The following ZDHHC8 variants were observed in gnomAD, a reference collection of about 807,000 sequenced individuals.
ZDHHC8 encodes the protein zDHHC palmitoyltransferase 8.
In ZDHHC8, 24 loss-of-function variants were observed where a neutral mutation model predicts 61.2. The ratio of observed to expected loss-of-function variants is 0.39; its 90% CI spans 0.28 to 0.55. ZDHHC8 has a LOEUF of 0.55. Among genes scored for constraint, ZDHHC8 ranks in the 20% least tolerant of loss-of-function variants. The probability of loss-of-function intolerance (pLI) is 0.60; values close to 1 mark genes in which losing one functional copy is unlikely to be tolerated. For missense variants in ZDHHC8, 935 were observed against 1,102.1 expected (o/e 0.85, Z 2.15); for synonymous variants, 523 against 492.5 (o/e 1.06, Z -0.82).
chr22:20,147,573 TG>T lies in ZDHHC8; in HGVS notation c.*2183del, dbSNP rs1555886048. The T allele has an allele frequency of 0.024, 2,862 of 119,472 alleles. 77 individuals carry two copies. Among genetic ancestry groups the T allele is most frequent in the African/African-American group, 0.078 (2,392 of 30,746 alleles). The allele number at this position is 119,472 out of a possible 1,614,324, so 7.4% of individuals were successfully genotyped here. On this transcript the variant is annotated 3_prime_UTR_variant, in exon 11 of 11. Transcript: ENST00000334554. ...CCAGGCCTCCGTGGGTTGGGCTGGG[TG>T]GGGGGGGGGTCTCAGGTTGCCCCTG...
intron 1 of ZDHHC8, among the ~76,000 whole-genome samples, chr22:20,135,240 G>A (rs920231310): frequency 6.6e-6 from 1 of 152,016 alleles, no homozygotes; most frequent in South Asian, 2.1e-4. Context: ...CACTGCTCCC[G>A]GCCCCTTCCT....
chr22:20,142,724 T>A, intron 9 of ZDHHC8, 32 bp from the exon 10 acceptor site: 2 of 1,600,982 alleles, frequency 1.2e-6, no homozygotes, highest in South Asian at 1.1e-5. Context: ...GGGTGGCAGG[T>A]GGGCAGTGGT....
In ZDHHC8 at chr22:20,141,489, C is replaced by A. The variant is rs1305261805; in HGVS notation, c.1084C>A (p.Pro362Thr). 1.2e-6 allele frequency: 2 copies of A among 1,613,140 alleles called. No homozygotes were observed. The highest frequency in any genetic ancestry group is 1.7e-6 in the Non-Finnish European group (2 of 1,179,922). The change falls in exon 9 of 11, where the codon CCC becomes ACC. Residue 362 changes from proline to threonine, a missense_variant. By Grantham distance (38) the Pro-to-Thr change is conservative (BLOSUM62 -1). Coordinates refer to ENST00000334554, the MANE Select transcript of ZDHHC8 (RefSeq NM_013373.4). ...CATGTACAAGTTTAGGCCGGCTTTC[C>A]CCACGGGTCCCAAGGTGCCCTTCTG... is the stretch of plus-strand genomic sequence containing the variant. ...PAMYKFRPAF[P>T]TGPKVPFCGP... is the part of the protein sequence containing the mutation.
Position 20,146,139 on chromosome 22 carries a change from CGGG to C in ZDHHC8, c.*744_*746del. 1.0e-6 allele frequency: 1 copy of C among 985,508 alleles called. No homozygotes were observed. Among genetic ancestry groups the C allele is most frequent in the African/African-American group, 1.7e-5 (1 of 57,322 alleles). The allele number at this position is 985,508 out of a possible 1,614,324, so 61.0% of individuals were successfully genotyped here. ...TGCTTTATGCTCTTGTGGGAGGCGACGGGGGGGCAGGCGGGAGCAGGCACGGGG... is the reference window on the plus strand; with the variant it reads ...TGCTTTATGCTCTTGTGGGAGGCGACGGGGCAGGCGGGAGCAGGCACGGGG... On this transcript the variant is annotated 3_prime_UTR_variant, in exon 11 of 11. Transcript: ENST00000334554.
chr22:20,137,934 G>C (rs1468011608), intron 1 of ZDHHC8, among the ~76,000 whole-genome samples: 1 of 152,240 alleles, frequency 6.6e-6, no homozygotes, highest in African/African-American at 2.4e-5. Context: ...ACCTCCACGG[G>C]CTGGGCCCTG....
rs1469859656 is a variant in ZDHHC8, at chr22:20,146,393, T to C, written c.*993T>C. ...ACAGCGTCTGCTTGCGTTGTGTCTG[T>C]TTTATGTTTTTATATCTACATCTAT... On this transcript the variant is annotated 3_prime_UTR_variant, in exon 11 of 11. Transcript: ENST00000334554. 1.0e-6 allele frequency: 1 copy of C among 985,432 alleles called. No individual in the cohort carries two copies. Among genetic ancestry groups the C allele is most frequent in the Non-Finnish European group, 1.2e-6 (1 of 829,882 alleles). 61.0% of individuals were successfully genotyped at this position (985,432 alleles called of 1,614,324 possible). A position where few individuals can be genotyped will look rare whatever the true frequency, so the allele number is the denominator to read the frequency against.
rs137940804 is a variant in ZDHHC8 at position 20,143,176 on chromosome 22, G to A, written c.1546G>A (p.Asp516Asn). 9 of 1,610,302 alleles carry A rather than the reference G, an allele frequency of 5.6e-6. 1 individual carries two copies. The highest frequency in any genetic ancestry group is 4.4e-5 in the South Asian group (4 of 91,030). ...CTACCTGCATCCTGGGGCAACGGGC[G>A]ACCCGCCACGGCCCCTACCCCGCAG... Reference protein sequence around the residue: ...SPYLHPGATGDPPRPLPRSFS... With the variant: ...SPYLHPGATGNPPRPLPRSFS... The change falls in exon 10 of 11, where the codon GAC (aspartate) becomes AAC (asparagine). Residue 516 changes from aspartate (D) to asparagine (N), a missense_variant. Asp to Asn is a conservative substitution (Grantham distance 23). Transcript: ENST00000334554.
rs111869307 is a variant in ZDHHC8, at chr22:20,134,382, G to A, written c.104+2331G>A. 7.5e-3 allele frequency among the ~76,000 whole-genome samples: 1,137 copies of A among 152,290 alleles called. 7 individuals carry two copies. The highest frequency in any genetic ancestry group is 0.011 in the Admixed American group (170 of 15,298). On this transcript the variant is annotated intron_variant, in intron 1 of 10. Transcript: ENST00000334554. ...TCCTGAGAAGGGGTTCTGTTGGGTC[G>A]GCTGGCCCATTGATGCCACCCATAG...
intron 1 of ZDHHC8, among the ~76,000 whole-genome samples, 191 bp from the exon 2 acceptor site, chr22:20,139,003 C>T (rs946474608): frequency 4.6e-5 from 7 of 152,190 alleles, no homozygotes; most frequent in African/African-American, 1.2e-4. Flanking sequence ...TGTACTGATA[C>T]GCACAGCCTC....
Position 20,145,669 on chromosome 22 carries a change from AG to A in ZDHHC8, c.*274del, listed in dbSNP as rs533510077. The A allele has an allele frequency of 1.9e-5, 21 of 1,100,940 alleles. No homozygotes were observed. The East Asian group carries it at 3.2e-4, about 17-fold the overall frequency. The allele number at this position is 1,100,940 out of a possible 1,614,324, so 68.2% of individuals were successfully genotyped here. On this transcript the variant is annotated 3_prime_UTR_variant, in exon 11 of 11. Coordinates refer to ENST00000334554, the MANE Select transcript of ZDHHC8 (RefSeq NM_013373.4). Reference sequence around the variant, plus strand: ...GGCCTGTCCCATGGCTGGGGCAGTGAGGGGGCCCAGTCAGCCTCTTTGGGGC... The same window carrying A: ...GGCCTGTCCCATGGCTGGGGCAGTGAGGGGCCCAGTCAGCCTCTTTGGGGC...
At chr22:20,145,098 GC>G in intron 10 of ZDHHC8, 130 bp from the exon 11 acceptor site, 1 of 810,798 alleles carries the variant, frequency 1.2e-6, no homozygotes, top group Non-Finnish European at 1.8e-6. Flanking sequence ...GGCAGGGACT[GC>G]ACGGGGCCCC....
rs1300310199 is a variant in ZDHHC8 at position 20,147,486 on chromosome 22, C to T, written c.*2086C>T. 1 of 337,502 alleles carries T rather than the reference C, an allele frequency of 3.0e-6. No individual in the cohort carries two copies. 20.9% of individuals were successfully genotyped at this position (337,502 alleles called of 1,614,324 possible). A position where few individuals can be genotyped will look rare whatever the true frequency, so the allele number is the denominator to read the frequency against. On this transcript the variant is annotated 3_prime_UTR_variant, in exon 11 of 11. Transcript: ENST00000334554. ...CCAGAGCTGTGGGGACCGGCACGACCTTTGCCCAGCCTCCCTACCCAACCA... is the reference window on the plus strand; with the variant it reads ...CCAGAGCTGTGGGGACCGGCACGACTTTTGCCCAGCCTCCCTACCCAACCA...
intron 1 of ZDHHC8, among the ~76,000 whole-genome samples, chr22:20,136,921 C>T (rs2050426237): frequency 6.6e-6 from 1 of 152,206 alleles, no homozygotes; most frequent in South Asian, 2.1e-4. Flanking sequence ...GCGTGTGCTC[C>T]TCATCTTCTC....
intron 1 of ZDHHC8, among the ~76,000 whole-genome samples, chr22:20,133,341 G>A (rs1408822393): frequency 6.6e-6 from 1 of 152,136 alleles, no homozygotes; most frequent in Non-Finnish European, 1.5e-5. Context: ...GCCCAGCCCA[G>A]TGCTGGTCCC....
In ZDHHC8 at chr22:20,145,401, GGACT is replaced by G. The variant is rs2148010734; in HGVS notation, c.*7_*10del. ...GACCACCTACGAGATCTCGGTGTGA[GGACT>G]GACTGCCACACATCCGCCATGGTGC... On this transcript the variant is annotated 3_prime_UTR_variant, in exon 11 of 11. Coordinates refer to ENST00000334554, the MANE Select transcript of ZDHHC8 (RefSeq NM_013373.4). The G allele has an allele frequency of 6.5e-7, 1 of 1,528,084 alleles. No individual in the cohort carries two copies. Among genetic ancestry groups the G allele is most frequent in the East Asian group, 2.5e-5 (1 of 39,752 alleles). 94.7% of individuals were successfully genotyped at this position (1,528,084 alleles called of 1,614,324 possible). A position where few individuals can be genotyped will look rare whatever the true frequency, so the allele number is the denominator to read the frequency against.
At position 20,141,262 on chromosome 22, in the gene ZDHHC8, G is replaced by A; in HGVS notation, c.940G>A (p.Gly314Arg). The change falls in exon 8 of 11, where the codon GGG (glycine) becomes AGG (arginine). Residue 314 changes from glycine (G) to arginine (R), a missense_variant. By Grantham distance (125) the Gly-to-Arg change is moderately radical. This residue lies in a region of ZDHHC8 where 692 missense variants were observed against 731.4 expected (regional missense o/e 0.95). Transcript: ENST00000334554. ...GCTGGATGAGAAGCCACTGGACTTGGGGCCACCACTGCCCCCCAAGATAGA... is the reference window on the plus strand; with the variant it reads ...GCTGGATGAGAAGCCACTGGACTTGAGGCCACCACTGCCCCCCAAGATAGA... ...DRLDEKPLDL[G>R]PPLPPKIEAG... 6.2e-7 allele frequency: 1 copy of A among 1,612,756 alleles called. No homozygotes were observed. The highest frequency in any genetic ancestry group is 8.5e-7 in the Non-Finnish European group (1 of 1,179,928).
chr22:20,139,918 T>C (rs1339066404), intron 4 of ZDHHC8, 26 bp downstream of exon 4: 3 of 1,596,312 alleles, frequency 1.9e-6, no homozygotes, highest in Middle Eastern at 1.7e-4. Flanking sequence ...GTGGGCCTCA[T>C]TGCAGAGGCG....
Position 20,132,198 on chromosome 22 carries a change from C to G in ZDHHC8, c.104+147C>G, listed in dbSNP as rs978820826. On this transcript the variant is annotated intron_variant, in intron 1 of 10. Transcript: ENST00000334554. ...GGCTGCAGGCGATGGCAGTCCCTCT[C>G]CACCCGCTGGGGCTGGGGGAGTTGA... is the stretch of plus-strand genomic sequence containing the variant. 2.2e-4 allele frequency: 80 copies of G among 355,620 alleles called. 1 individual carries two copies. The highest frequency in any genetic ancestry group is 3.0e-4 in the Non-Finnish European group (71 of 234,960). 22.0% of individuals were successfully genotyped at this position (355,620 alleles called of 1,614,324 possible).
Position 20,139,775 on chromosome 22 carries a change from G to A in ZDHHC8, c.440G>A (p.Arg147His), listed in dbSNP as rs1341939731. The change falls in exon 4 of 11, where the codon CGC becomes CAC. Residue 147 changes from arginine (R) to histidine (H), a missense_variant. Transcript: ENST00000334554. ...VNNCIGRRNY[R>H]YFFLFLLSLS... is the part of the protein sequence containing the mutation. ...AACTGCATCGGGCGTCGAAACTATC[G>A]CTACTTCTTCCTGTTCCTGCTGTCA... The A allele has an allele frequency of 6.2e-7, 1 of 1,613,136 alleles. No individual in the cohort carries two copies.
Sources: allele counts gnomAD v4.1 joint callset (sites outside exome capture counted in the v4.1 genomes callset), GRCh38; gene constraint gnomAD v4.1.1; regional missense constraint gnomAD v4.1.1; transcripts MANE v1.5; gene names NCBI Gene and HGNC (gene_info 2026-07-23, HGNC 2026-07-21).